The following CTSE variants were observed in gnomAD, a reference collection of about 807,000 sequenced individuals.
CTSE encodes the protein erythrocyte membrane aspartic proteinase.
In CTSE, 43 loss-of-function variants were observed where a neutral mutation model predicts 42.8. The observed-to-expected ratio is 1.01, with a 90% CI of 0.79 to 1.30. CTSE has a LOEUF of 1.30. CTSE is among the 50% of genes most tolerant of loss of function. The pLI is 0.00. For missense variants in CTSE, 532 were observed against 493.5 expected (o/e 1.08, Z -0.74); for synonymous variants, 205 against 191.5 (o/e 1.07, Z -0.58).
rs782563185 is a variant in CTSE at position 206,013,762 on chromosome 1, G to A, written c.785+10C>T. ...CCTAGTACTGTCACTACTTCATGGG[G>A]AATACTCACTTATCCAGTGCAATCT... On this transcript the variant is annotated intron_variant, in intron 6 of 8. Coordinates refer to ENST00000358184, the MANE Select transcript of CTSE (RefSeq NM_001910.4). The A allele has an allele frequency of 3.7e-6, 6 of 1,613,046 alleles. No homozygotes were observed. Among genetic ancestry groups the A allele is most frequent in the South Asian group, 3.3e-5 (3 of 90,984 alleles).
chr1:206,022,416 A>C (rs1661467110), intron 2 of CTSE, 149 bp from the exon 3 acceptor site: 2 of 581,516 alleles, frequency 3.4e-6, no homozygotes, highest in Non-Finnish European at 6.1e-6. Flanking sequence ...CAACGCTGGA[A>C]AATAAAAGGT....
intron 4 of CTSE, among the ~76,000 whole-genome samples, chr1:206,020,757 C>T (rs1396034228): frequency 1.3e-5 from 2 of 152,130 alleles, no homozygotes; most frequent in Middle Eastern, 6.8e-3. Flanking sequence ...TTTATCTCCT[C>T]AATGCCCTAG....
At position 206,012,635 on chromosome 1, in the gene CTSE, C is replaced by T. The variant is rs782286770; in HGVS notation, c.800G>A (p.Gly267Asp). ...QIALDNIQVG[G>D]TVMFCSEGCQ... ...GCCCTCGGAGCAGAACATAACAGTG[C>T]CTCCCACCTGGATGCTGAGGGGACA... The change falls in exon 7 of 9, where the codon GGC (glycine) becomes GAC (aspartate). Residue 267 changes from glycine to aspartate, a missense_variant. By Grantham distance (94) the Gly-to-Asp change is moderately conservative. Transcript: ENST00000358184. 3.1e-6 allele frequency: 5 copies of T among 1,613,832 alleles called. No homozygotes were observed. Among genetic ancestry groups the T allele is most frequent in the Non-Finnish European group, 4.2e-6 (5 of 1,179,812 alleles).
chr1:206,022,187 G>A lies in CTSE; in HGVS notation c.306C>T (p.Leu102=). Residue 102 remains leucine (L), a synonymous_variant, in exon 3 of 9, where the codon CTC becomes CTT. Coordinates refer to ENST00000358184, the MANE Select transcript of CTSE (RefSeq NM_001910.4). ...TAGTGCAGTACACAGAGGGGACCCAGAGGTTGGAGGAGCCAGTGTCGAAGA... is the reference window on the plus strand; with the variant it reads ...TAGTGCAGTACACAGAGGGGACCCAAAGGTTGGAGGAGCCAGTGTCGAAGA... ...TVIFDTGSSN[L]WVPSVYCTSP... The A allele has an allele frequency of 2.5e-6, 4 of 1,612,858 alleles. No individual in the cohort carries two copies. The highest frequency in any genetic ancestry group is 3.4e-6 in the Non-Finnish European group (4 of 1,179,100).
In CTSE at chr1:206,009,565, A is replaced by G. The variant is rs1553276598; in HGVS notation, c.*618T>C. On this transcript the variant is annotated 3_prime_UTR_variant, in exon 9 of 9. Coordinates refer to ENST00000358184, the MANE Select transcript of CTSE (RefSeq NM_001910.4). ...AAGAGACTTACAGACATTTCAAATA[A>G]ATGCAATATATGGGCCTTGCTTGAA... 1 of 152,814 alleles carries G rather than the reference A, an allele frequency of 6.5e-6. No individual in the cohort carries two copies. Among genetic ancestry groups the G allele is most frequent in the Non-Finnish European group, 1.5e-5 (1 of 68,540 alleles). The allele number at this position is 152,814 out of a possible 1,614,324, so 9.5% of individuals were successfully genotyped here.
intron 2 of CTSE, 27 bp from the exon 3 acceptor site, chr1:206,022,294 G>A (rs782765557): frequency 6.5e-7 from 1 of 1,538,892 alleles, no homozygotes. Flanking sequence ...GAAGGAAAGA[G>A]GGTGTGGGTG....
At chr1:206,022,829 C>G in intron 2 of CTSE, 72 bp downstream of exon 2, 1 of 1,390,468 alleles carries the variant, frequency 7.2e-7, no homozygotes, top group Non-Finnish European at 9.7e-7. Context: ...TGATGTGGCA[C>G]TGGCCATGCC....
intron 4 of CTSE, among the ~76,000 whole-genome samples, chr1:206,017,461 G>A (rs114182462): frequency 0.034 from 5,104 of 152,008 alleles, 285 homozygotes; most frequent in African/African-American, 0.11. Context: ...CAAGCATTTG[G>A]GATAAGGATC....
In CTSE at chr1:206,022,895, C is replaced by T. The variant is rs782675236; in HGVS notation, c.225+6G>A. ...TCTCCCCAGCCCTGACCCCAGGAGG[C>T]CTCACATCCAAGTAGTTGATGAGGG... On this transcript the variant is annotated splice_donor_region_variant and intron_variant, in intron 2 of 8. Coordinates refer to ENST00000358184, the MANE Select transcript of CTSE (RefSeq NM_001910.4). The T allele has an allele frequency of 1.9e-6, 3 of 1,563,794 alleles. No homozygotes were observed. Among genetic ancestry groups the T allele is most frequent in the South Asian group, 2.4e-5 (2 of 82,680 alleles).
intron 3 of CTSE, 99 bp from the exon 4 acceptor site, chr1:206,021,266 C>T (rs1661413999): frequency 3.3e-6 from 3 of 901,798 alleles, no homozygotes; most frequent in Non-Finnish European, 3.6e-6. Flanking sequence ...TCTCTTCCCT[C>T]AGCTCTCAAC....
rs375773145 is a variant in CTSE at position 206,022,144 on chromosome 1, A to G, written c.343+6T>C. 4.5e-6 allele frequency: 7 copies of G among 1,568,422 alleles called. No individual in the cohort carries two copies. The African/African-American group carries it at 8.1e-5, about 18-fold the overall frequency. ...ATTCTCTGCTGGTGCTCCTGGCCCC[A>G]CTTACTGCAGGCTGGGCTAGTGCAG... On this transcript the variant is annotated splice_donor_region_variant and intron_variant, in intron 3 of 8. Transcript: ENST00000358184.
chr1:206,022,300 G>A (rs782734483), intron 2 of CTSE, 33 bp from the exon 3 acceptor site: 2 of 1,506,446 alleles, frequency 1.3e-6, no homozygotes, highest in Non-Finnish European at 9.1e-7. Context: ...AAGAGGGTGT[G>A]GGTGGTGGGG....
chr1:206,011,469 T>G (rs1400903043), intron 8 of CTSE, among the ~76,000 whole-genome samples: 6 of 151,984 alleles, frequency 3.9e-5, no homozygotes, highest in African/African-American at 1.4e-4. Context: ...GTCCTCAGTG[T>G]GGTGTTCAGA....
In CTSE at chr1:206,022,935, T is replaced by A. The variant is rs1661485790; in HGVS notation, c.191A>T (p.Gln64Leu). Residue 64 changes from glutamine to leucine, a missense_variant, in exon 2 of 9, where the codon CAG becomes CTG. By Grantham distance (113) the Gln-to-Leu change is moderately radical (BLOSUM62 -2). Transcript: ENST00000358184. Reference sequence around the variant, plus strand: ...GTTGATGAGGGGTTCCTTGGCACTCTGGTCCATTGAGCAGGACTCGGTGAA... The same window carrying A: ...GTTGATGAGGGGTTCCTTGGCACTCAGGTCCATTGAGCAGGACTCGGTGAA... ...IQFTESCSMD[Q>L]SAKEPLINYL... 7 of 1,598,356 alleles carry A rather than the reference T, an allele frequency of 4.4e-6. No homozygotes were observed. Among genetic ancestry groups the A allele is most frequent in the Admixed American group, 1.7e-5 (1 of 59,164 alleles).
At chr1:206,021,253 G>A in intron 3 of CTSE, 86 bp from the exon 4 acceptor site, 3 of 1,061,292 alleles carry the variant, frequency 2.8e-6, no homozygotes, top group Admixed American at 1.8e-5. Context: ...CACAGCGGCA[G>A]GGTCTCTTCC....
chr1:206,017,148 G>A (rs1050351108), intron 4 of CTSE, among the ~76,000 whole-genome samples: 3 of 151,940 alleles, frequency 2.0e-5, no homozygotes, highest in Middle Eastern at 3.4e-3. Flanking sequence ...TAGAGTTCTC[G>A]CACATTTTTT....
At chr1:206,018,898 T>G (rs1661332672) in intron 4 of CTSE, among the ~76,000 whole-genome samples, 1 of 152,112 alleles carries the variant, frequency 6.6e-6, no homozygotes, top group Admixed American at 6.6e-5. Context: ...TACTCTTTAT[T>G]ATTTCCTTCC....
At position 206,022,948 on chromosome 1, in the gene CTSE, A is replaced by G. The variant is rs781994015; in HGVS notation, c.178T>C (p.Cys60Arg). The change falls in exon 2 of 9, where the codon TGC becomes CGC. Residue 60 changes from cysteine (C) to arginine (R), a missense_variant. Transcript: ENST00000358184. ...NLDMIQFTES[C>R]SMDQSAKEPL... ...TCCTTGGCACTCTGGTCCATTGAGC[A>G]GGACTCGGTGAACTGGATCATGTCC... The G allele has an allele frequency of 1.2e-5, 20 of 1,607,242 alleles. No individual in the cohort carries two copies. The highest frequency in any genetic ancestry group is 1.7e-5 in the Non-Finnish European group (20 of 1,175,996).
intron 4 of CTSE, among the ~76,000 whole-genome samples, chr1:206,018,217 A>G (rs1204241716): frequency 6.6e-6 from 1 of 152,054 alleles, no homozygotes; most frequent in African/African-American, 2.4e-5. Flanking sequence ...ATATAATCAT[A>G]TTGGTCATAT....
Sources: gnomAD v4.1 joint callset for allele counts (sites outside exome capture counted in the v4.1 genomes callset) on GRCh38, gnomAD v4.1.1 for gene constraint, MANE v1.5 for transcripts, NCBI Gene and HGNC (gene_info 2026-07-23, HGNC 2026-07-21) for gene names.